FER: variants seen among roughly 807,000 people sequenced by gnomAD.
The protein encoded by FER is FER tyrosine kinase, also known as tyrosine-protein kinase Fer.
FER carries 63 observed loss-of-function variants against 111.0 expected under a neutral mutation model. The ratio of observed to expected loss-of-function variants is 0.57; its 90% CI spans 0.46 to 0.70. FER has a LOEUF of 0.70. Among genes scored for constraint, FER ranks in the 30% least tolerant of loss-of-function variants. The pLI, the probability that FER is intolerant of heterozygous loss-of-function variation, is 0.00. For missense variants in FER, 914 were observed against 954.0 expected (o/e 0.96, Z 0.55); for synonymous variants, 327 against 313.9 (o/e 1.04, Z -0.44).
At chr5:108,930,861 G>C (rs1754567606) in intron 10 of FER, among the ~76,000 whole-genome samples, 2 of 151,616 alleles carry the variant, frequency 1.3e-5, no homozygotes, top group Non-Finnish European at 2.9e-5. Context: ...TGATCCATCT[G>C]CCTTGGCCTC....
chr5:109,037,764 TC>T (rs772154524), intron 14 of FER, among the ~76,000 whole-genome samples: 1 of 152,054 alleles, frequency 6.6e-6, no homozygotes. Flanking sequence ...TGCAGTAAAG[TC>T]AAAACTAGTG....
At chr5:108,926,123 T>A in intron 10 of FER, among the ~76,000 whole-genome samples, 1 of 151,668 alleles carries the variant, frequency 6.6e-6, no homozygotes, top group South Asian at 2.1e-4. Flanking sequence ...GCTTTTTATT[T>A]ATTTTTGAAA....
At chr5:108,768,016 C>T (rs933390820) in intron 1 of FER, 77 bp from the exon 2 acceptor site, 2 of 152,134 alleles carry the variant, frequency 1.3e-5, no homozygotes, top group African/African-American at 2.4e-5. Flanking sequence ...CAGGAATAGC[C>T]AAGTATACTG....
chr5:108,959,460 GTTTTGT>G, intron 13 of FER, 113 bp downstream of exon 13: 1 of 1,089,592 alleles, frequency 9.2e-7, no homozygotes, highest in Non-Finnish European at 1.2e-6. Flanking sequence ...CAGAAAAAAA[GTTTTGT>G]TTTTGTTTTT....
rs1336425501 is a variant in FER, at chr5:108,967,752, T to C, written c.1656+8405T>C. 5.7e-5 allele frequency among the ~76,000 whole-genome samples: 5 copies of C among 87,726 alleles called. No individual in the cohort carries two copies. In the Admixed American group the frequency reaches 6.2e-4, roughly 11 times the overall value. The allele number at this position is 87,726 out of a possible 152,430, so 57.6% of individuals were successfully genotyped here. A position where few individuals can be genotyped will look rare whatever the true frequency, so the allele number is the denominator to read the frequency against. On this transcript the variant is annotated intron_variant, in intron 13 of 19. Coordinates refer to ENST00000281092, the MANE Select transcript of FER (RefSeq NM_005246.4). The stretch of plus-strand genomic sequence containing the variant: ...TCTGGCCTGGGCGACAAAGCGAGAC[T>C]CCGTCTCAAAAAAAAAAAAAAAAAA...
intron 1 of FER, among the ~76,000 whole-genome samples, chr5:108,765,463 A>C (rs1283803623): frequency 6.6e-6 from 1 of 152,060 alleles, no homozygotes; most frequent in Non-Finnish European, 1.5e-5. Flanking sequence ...TCTCTTACCC[A>C]TGCTTGAGTA....
chr5:109,171,132 G>A (rs1484332432), intron 17 of FER, among the ~76,000 whole-genome samples: 1 of 152,120 alleles, frequency 6.6e-6, no homozygotes, highest in Non-Finnish European at 1.5e-5. Flanking sequence ...CAAATTCTTA[G>A]TAGCTTTTCA....
intron 2 of FER, among the ~76,000 whole-genome samples, chr5:108,778,289 A>G (rs537618756): frequency 2.0e-4 from 31 of 152,274 alleles, no homozygotes; most frequent in Non-Finnish European, 4.0e-4. Flanking sequence ...TTTTGTGTGG[A>G]TATAAAATTT....
intron 16 of FER, among the ~76,000 whole-genome samples, chr5:109,088,481 C>T (rs1777806266): frequency 6.6e-6 from 1 of 151,968 alleles, no homozygotes; most frequent in Non-Finnish European, 1.5e-5. Context: ...ATCTAAGTAG[C>T]ATCAGAAAAT....
chr5:108,924,360 C>CAAAAAAAAAAAAAAAAAA (rs59469649), intron 10 of FER, among the ~76,000 whole-genome samples: 2 of 99,070 alleles, frequency 2.0e-5, no homozygotes, highest in African/African-American at 7.4e-5. Flanking sequence ...AACTCTGTCT[C>CAAAAAAAAAAAAAAAAAA]AAAAAAAAAA....
At chr5:108,854,988 C>T (rs1246672817) in intron 5 of FER, among the ~76,000 whole-genome samples, 5 of 147,422 alleles carry the variant, frequency 3.4e-5, no homozygotes, top group Non-Finnish European at 5.9e-5. Flanking sequence ...GAGGATTTGC[C>T]ATTGAATTGG....
At chr5:109,146,951 A>C (rs1754287669) in intron 17 of FER, among the ~76,000 whole-genome samples, 1 of 152,104 alleles carries the variant, frequency 6.6e-6, no homozygotes, top group Non-Finnish European at 1.5e-5. Flanking sequence ...GGGAATATTT[A>C]AGAGACAATG....
Position 108,886,573 on chromosome 5 carries a change from C to A in FER, c.1046+3055C>A, listed in dbSNP as rs549873985. On this transcript the variant is annotated intron_variant, in intron 9 of 19. Coordinates refer to ENST00000281092, the MANE Select transcript of FER (RefSeq NM_005246.4). ...TTTGAGACTTTACATAACTTACTTA[C>A]AATCACATACATAGTAAATGGTAGA... Among the ~76,000 whole-genome samples, 7 of 151,572 alleles carry A rather than the reference C, an allele frequency of 4.6e-5. No homozygotes were observed. The East Asian group carries it at 1.4e-3, about 29-fold the overall frequency.
intron 16 of FER, among the ~76,000 whole-genome samples, chr5:109,091,216 G>C (rs1746701389): frequency 6.6e-6 from 1 of 152,172 alleles, no homozygotes; most frequent in African/African-American, 2.4e-5. Flanking sequence ...AGGACCTTGA[G>C]GGCAGTACAC....
intron 15 of FER, among the ~76,000 whole-genome samples, chr5:109,046,847 G>A (rs1033286271): frequency 2.0e-5 from 3 of 152,008 alleles, no homozygotes; most frequent in Non-Finnish European, 4.4e-5. Flanking sequence ...TGCAAATATT[G>A]CACCATTTTG....
intron 13 of FER, among the ~76,000 whole-genome samples, chr5:109,028,498 A>G (rs1769108174): frequency 6.6e-6 from 1 of 152,192 alleles, no homozygotes; most frequent in South Asian, 2.1e-4. Context: ...ATTTTGGGTA[A>G]CAGTATAATT....
At chr5:108,845,004 A>G (rs1240326218) in intron 5 of FER, among the ~76,000 whole-genome samples, 69 of 13,524 alleles carry the variant, frequency 5.1e-3, no homozygotes, top group African/African-American at 0.017. Context: ...GTGTATATAT[A>G]TATATATATA....
intron 13 of FER, among the ~76,000 whole-genome samples, chr5:109,034,125 A>C (rs1770028427): frequency 6.6e-6 from 1 of 152,186 alleles, no homozygotes; most frequent in South Asian, 2.1e-4. Flanking sequence ...CATTTGGTCA[A>C]CTTATCTCCA....
At chr5:109,017,889 C>G (rs1240712616) in intron 13 of FER, among the ~76,000 whole-genome samples, 1 of 151,886 alleles carries the variant, frequency 6.6e-6, no homozygotes, top group African/African-American at 2.4e-5. Context: ...TTTTCTTTCC[C>G]TGACAACCTC....
Sources: gnomAD v4.1 joint callset for allele counts (sites outside exome capture counted in the v4.1 genomes callset) on GRCh38, gnomAD v4.1.1 for gene constraint, MANE v1.5 for transcripts, NCBI Gene and HGNC (gene_info 2026-07-23, HGNC 2026-07-21) for gene names.